The following CHD1L variants were observed in gnomAD, a reference collection of about 807,000 sequenced individuals.
CHD1L encodes the protein chromodomain helicase DNA binding protein 1 like.
Under a neutral mutation model 115.9 loss-of-function variants are expected in CHD1L, and 118 were observed. The ratio of observed to expected loss-of-function variants is 1.02; its 90% CI spans 0.88 to 1.19. CHD1L has a LOEUF of 1.19. CHD1L is among the 50% of genes most tolerant of loss of function. The pLI, the probability that CHD1L is intolerant of heterozygous loss-of-function variation, is 0.00. For missense variants in CHD1L, 1,179 were observed against 1,065.3 expected (o/e 1.11, Z -1.49); for synonymous variants, 411 against 387.1 (o/e 1.06, Z -0.72).
upstream of CHD1L, among the ~76,000 whole-genome samples, chr1:147,240,921 C>T (rs12142138): frequency 8.2e-3 from 1,251 of 152,210 alleles, 7 homozygotes; most frequent in Admixed American, 0.014. Flanking sequence ...CTGGTGCCAG[C>T]GCAGGTCCTC....
the CHD1L span, chr1:147,178,349 C>T: frequency 8.7e-6 from 14 of 1,612,268 alleles, no homozygotes; most frequent in Admixed American, 5.0e-5. Flanking sequence ...GGAATAGTCC[C>T]ATTAGCAAAG....
the CHD1L span, chr1:147,204,000 ACAT>A: frequency 8.6e-7 from 1 of 1,161,190 alleles, no homozygotes; most frequent in South Asian, 1.2e-5. Flanking sequence ...AGCTTCACTA[ACAT>A]CATATTATAT....
the CHD1L span, chr1:147,213,232 A>G: frequency 1.6e-6 from 2 of 1,229,612 alleles, no homozygotes; most frequent in East Asian, 5.1e-5. Flanking sequence ...AATTACTCAG[A>G]CCACAATCCT....
chr1:147,277,501 G>T (rs1678975243), intron 14 of CHD1L, among the ~76,000 whole-genome samples: 2 of 152,152 alleles, frequency 1.3e-5, no homozygotes, highest in South Asian at 4.1e-4. Context: ...AAGGCTCAAG[G>T]TTTTATTAAT....
chr1:147,214,459 C>CA, the CHD1L span, among the ~76,000 whole-genome samples: 143,547 of 149,198 alleles, frequency 0.96, 69,107 homozygotes, highest in East Asian at 0.99. Context: ...TGAAAAAAAA[C>CA]AAAAAACAAA....
At chr1:147,233,481 A>T in the CHD1L span, among the ~76,000 whole-genome samples, 4 of 137,908 alleles carry the variant, frequency 2.9e-5, no homozygotes, top group African/African-American at 1.1e-4. Context: ...GGGGGGGGTC[A>T]GCCCCCCGCC....
At chr1:147,209,320 C>T in the CHD1L span, among the ~76,000 whole-genome samples, 1 of 151,608 alleles carries the variant, frequency 6.6e-6, no homozygotes, top group African/African-American at 2.4e-5. Context: ...TGCCTGTAGT[C>T]CCAGCTACTC....
chr1:147,186,819 C>T, the CHD1L span: 2 of 1,519,998 alleles, frequency 1.3e-6, no homozygotes, highest in South Asian at 1.3e-5. Context: ...CAATATGAAA[C>T]TGAGAGTCAA....
chr1:147,270,165 T>C (rs782036847), intron 10 of CHD1L, among the ~76,000 whole-genome samples: 5 of 152,228 alleles, frequency 3.3e-5, no homozygotes, highest in Admixed American at 6.5e-5. Context: ...CTTACACTTG[T>C]TGCAAGCTCA....
chr1:147,198,263 A>C, the CHD1L span, among the ~76,000 whole-genome samples: 1 of 152,194 alleles, frequency 6.6e-6, no homozygotes, highest in Non-Finnish European at 1.5e-5. Flanking sequence ...ATTTCTTAGA[A>C]TAGATGTTTA....
chr1:147,203,784 G>T, the CHD1L span: 5 of 1,544,546 alleles, frequency 3.2e-6, no homozygotes, highest in Non-Finnish European at 4.5e-6. Flanking sequence ...TCATCCATCA[G>T]ATTGTCTGTA....
intron 18 of CHD1L, 28 bp downstream of exon 18, chr1:147,286,528 G>A (rs1553966110): frequency 1.2e-6 from 2 of 1,602,504 alleles, no homozygotes; most frequent in Non-Finnish European, 1.7e-6. Flanking sequence ...GGCTGGGGAT[G>A]GGGGCCTCAG....
chr1:147,228,881 T>C, the CHD1L span, among the ~76,000 whole-genome samples: 1 of 152,200 alleles, frequency 6.6e-6, no homozygotes. Flanking sequence ...GTAAATTTGT[T>C]TGAGTTCATT....
At chr1:147,203,801 C>T in the CHD1L span, 55,074 of 1,548,050 alleles carry the variant, frequency 0.036, 1,098 homozygotes, top group African/African-American at 0.047. Flanking sequence ...TGTAGAGCCC[C>T]GAAGTACTAT....
the CHD1L span, chr1:147,215,004 G>C: frequency 1.3e-5 from 2 of 151,322 alleles, no homozygotes; most frequent in Non-Finnish European, 2.9e-5. Flanking sequence ...GACTTAGCAG[G>C]ATGATCAGAA....
In CHD1L at chr1:147,264,474, TC is replaced by T. The variant is rs1218828505; in HGVS notation, c.631del (p.Gln211LysfsTer49). ...ACCGGAACTCCCATCCAGAACAGCC[TC>T]CAAGAGCTCTACTCCCTCCTCAGTT... Reference protein sequence around the residue: ...LLTGTPIQNSLQELYSLLSFV... With the variant: ...LLTGTPIQNSXQELYSLLSFV... On this transcript the variant is annotated frameshift_variant, in exon 7 of 23. Transcript: ENST00000369258. LOFTEE classifies it high-confidence loss of function. 1 of 1,613,810 alleles carries T rather than the reference TC, an allele frequency of 6.2e-7. No homozygotes were observed. The highest frequency in any genetic ancestry group is 2.2e-5 in the East Asian group (1 of 44,890).
rs747214030 is a variant in CHD1L, at chr1:147,280,510, C to T, written c.1705+319C>T. ...ACATCTTCTTCTTTATTAGTAAAGC[C>T]TACCATCCTTGGTATGATGCTTTGC... On this transcript the variant is annotated intron_variant, in intron 15 of 22. Coordinates refer to ENST00000369258, the MANE Select transcript of CHD1L (RefSeq NM_004284.6). Among the ~76,000 whole-genome samples, 115 of 152,282 alleles carry T rather than the reference C, an allele frequency of 7.6e-4. 1 individual carries two copies. Among genetic ancestry groups the T allele is most frequent in the Non-Finnish European group, 1.1e-3 (78 of 68,034 alleles).
intron 15 of CHD1L, among the ~76,000 whole-genome samples, chr1:147,282,212 TTC>T (rs1681176517): frequency 6.6e-6 from 1 of 152,200 alleles, no homozygotes; most frequent in Non-Finnish European, 1.5e-5. Flanking sequence ...GGAGGGCACC[TTC>T]TCTGATCCAT....
Position 147,293,729 on chromosome 1 carries a change from T to C in CHD1L, c.2506+7T>C, listed in dbSNP as rs1553973293. The C allele has an allele frequency of 6.2e-7, 1 of 1,602,352 alleles. No homozygotes were observed. Among genetic ancestry groups the C allele is most frequent in the East Asian group, 2.2e-5 (1 of 44,806 alleles). On this transcript the variant is annotated splice_region_variant and intron_variant, in intron 21 of 22. Coordinates refer to ENST00000369258, the MANE Select transcript of CHD1L (RefSeq NM_004284.6). ...GCAGCAAAAAAGAAGAAAGGTAAGC[T>C]CTTCCACCTGTGCTCAAGAGTAGAT... is the stretch of plus-strand genomic sequence containing the variant.
Sources: allele counts gnomAD v4.1 joint callset (sites outside exome capture counted in the v4.1 genomes callset), GRCh38; gene constraint gnomAD v4.1.1; transcripts MANE v1.5; gene names NCBI Gene and HGNC (gene_info 2026-07-23, HGNC 2026-07-21).